GRIK4: variants seen among roughly 807,000 people sequenced by gnomAD.
GRIK4 encodes the protein glutamate receptor ionotropic, kainate 4.
In GRIK4, 40 loss-of-function variants were observed where a neutral mutation model predicts 104.9. The ratio of observed to expected loss-of-function variants is 0.38; its 90% CI spans 0.30 to 0.50. GRIK4 has a LOEUF of 0.50. Ranked by LOEUF, GRIK4 falls within the 20% of genes least tolerant of loss-of-function variation. GRIK4 has a pLI of 0.93. For synonymous variants in GRIK4, 485 were observed against 524.9 expected, an observed-to-expected ratio of 0.92 and a Z score of 1.04; for missense variants, 1,047 against 1,308.1, an observed-to-expected ratio of 0.80 and a Z score of 3.08.
At chr11:120,534,965 C>G (rs944777782) in intron 1 of GRIK4, among the ~76,000 whole-genome samples, 1 of 152,160 alleles carries the variant, frequency 6.6e-6, no homozygotes, top group Non-Finnish European at 1.5e-5. Flanking sequence ...AGGATGATCC[C>G]GGGCAAACCT....
chr11:120,568,427 G>A (rs549233767), intron 1 of GRIK4, among the ~76,000 whole-genome samples: 10 of 150,160 alleles, frequency 6.7e-5, no homozygotes, highest in Non-Finnish European at 1.5e-4. Flanking sequence ...TTGCTCTGTT[G>A]CCCAGGCTGG....
intron 8 of GRIK4, among the ~76,000 whole-genome samples, chr11:120,859,787 C>A (rs188334020): frequency 3.9e-5 from 6 of 152,256 alleles, no homozygotes; most frequent in African/African-American, 1.4e-4. Context: ...TCAATACATT[C>A]TCTGGCATGT....
At chr11:120,815,576 C>A in intron 5 of GRIK4, 101 bp downstream of exon 5, 1 of 656,904 alleles carries the variant, frequency 1.5e-6, no homozygotes, top group Non-Finnish European at 2.6e-6. Flanking sequence ...CCTGTCAAGG[C>A]TGGGTTGGTA....
At chr11:120,567,494 C>T (rs886369721) in intron 1 of GRIK4, among the ~76,000 whole-genome samples, 3 of 152,072 alleles carry the variant, frequency 2.0e-5, no homozygotes, top group Non-Finnish European at 4.4e-5. Flanking sequence ...GGAATTAAGA[C>T]CCAGAGCTCT....
intron 11 of GRIK4, among the ~76,000 whole-genome samples, chr11:120,891,335 C>T (rs1046859349): frequency 1.3e-5 from 2 of 152,182 alleles, no homozygotes; most frequent in Non-Finnish European, 2.9e-5. Flanking sequence ...GTGCTATGCC[C>T]GTTCCCATCG....
At chr11:120,860,933 C>T (rs992738728) in intron 8 of GRIK4, among the ~76,000 whole-genome samples, 4 of 152,016 alleles carry the variant, frequency 2.6e-5, no homozygotes, top group African/African-American at 7.2e-5. Context: ...GCCCCAGCTT[C>T]GTTTCTCACC....
At chr11:120,834,263 GGTGTGTGTGTGTGTGTGT>G (rs141196181) in intron 7 of GRIK4, among the ~76,000 whole-genome samples, 3 of 145,992 alleles carry the variant, frequency 2.1e-5, no homozygotes, top group Non-Finnish European at 4.5e-5. Context: ...ACACTTTATA[GGTGTGTGTGTGTGTGTGT>G]GTGTGTGTGT....
chr11:120,636,574 G>T (rs878986478), intron 1 of GRIK4, among the ~76,000 whole-genome samples: 3 of 152,160 alleles, frequency 2.0e-5, no homozygotes, highest in Admixed American at 1.3e-4. Flanking sequence ...AGGCACGGTG[G>T]CTCACACCTG....
chr11:120,786,766 G>A lies in GRIK4; in HGVS notation c.83-15927G>A, dbSNP rs78249643. 1.9e-3 allele frequency among the ~76,000 whole-genome samples: 288 copies of A among 152,178 alleles called. 4 individuals carry two copies. The East Asian group carries it at 0.05, about 26-fold the overall frequency. On this transcript the variant is annotated intron_variant, in intron 3 of 20. Transcript: ENST00000527524. ...GAAGATGAGACCTTTCCTCTTTTCC[G>A]AGAAAATAGATGCCATCCAGCTCAG... is the stretch of plus-strand genomic sequence containing the variant.
intron 1 of GRIK4, among the ~76,000 whole-genome samples, chr11:120,528,025 G>A (rs907544427): frequency 6.6e-6 from 1 of 152,136 alleles, no homozygotes; most frequent in African/African-American, 2.4e-5. Flanking sequence ...GCCCAGTGAC[G>A]GGATTTGGGC....
chr11:120,725,236 T>C (rs1191021620), intron 3 of GRIK4, among the ~76,000 whole-genome samples: 1 of 152,206 alleles, frequency 6.6e-6, no homozygotes, highest in African/African-American at 2.4e-5. Context: ...TCCAGCAGCA[T>C]AGACAGGGCC....
intron 1 of GRIK4, among the ~76,000 whole-genome samples, chr11:120,564,911 C>T (rs1244658782): frequency 1.3e-5 from 2 of 152,134 alleles, no homozygotes; most frequent in African/African-American, 2.4e-5. Flanking sequence ...TACAGCTCCT[C>T]TCCCAGCTCC....
intron 3 of GRIK4, among the ~76,000 whole-genome samples, chr11:120,741,421 G>C (rs1159176847): frequency 2.0e-5 from 3 of 151,794 alleles, no homozygotes; most frequent in Non-Finnish European, 1.5e-5. Context: ...TGGGACTACA[G>C]GCACGCACCA....
Position 120,643,388 on chromosome 11 carries a change from G to T in GRIK4, c.-158-10297G>T, listed in dbSNP as rs1185078684. ...AGCTCAAGCACAGGCCCCAAGGTGG[G>T]AATGTGCAGGGTGTGCCTGAGGCAC... On this transcript the variant is annotated intron_variant, in intron 1 of 20. Coordinates refer to ENST00000527524, the MANE Select transcript of GRIK4 (RefSeq NM_014619.5). 2.6e-5 allele frequency among the ~76,000 whole-genome samples: 4 copies of T among 152,216 alleles called. No homozygotes were observed. In the East Asian group the frequency reaches 7.7e-4, roughly 29 times the overall value.
intron 13 of GRIK4, among the ~76,000 whole-genome samples, chr11:120,914,091 C>A (rs1043090121): frequency 7.9e-5 from 12 of 152,214 alleles, no homozygotes; most frequent in Admixed American, 6.5e-5. Flanking sequence ...TTATGCAAAT[C>A]TGAAAGAGAT....
intron 3 of GRIK4, among the ~76,000 whole-genome samples, chr11:120,729,698 C>T (rs548359991): frequency 6.6e-6 from 1 of 152,216 alleles, no homozygotes; most frequent in Admixed American, 6.5e-5. Context: ...ATATTTTCTT[C>T]TATTCTGTGG....
rs192900413 is a variant in GRIK4, at chr11:120,919,010, A to G, written c.1476+13517A>G. Among the ~76,000 whole-genome samples the G allele has an allele frequency of 2.5e-3, 380 of 152,338 alleles. 2 individuals carry two copies. Among genetic ancestry groups the G allele is most frequent in the African/African-American group, 8.3e-3 (347 of 41,572 alleles). ...TAACAGAGAAGGCCAAATCAGGGTC[A>G]CACAGCTAACAAGTGATTGATCTGG... On this transcript the variant is annotated intron_variant, in intron 13 of 20. Transcript: ENST00000527524.
intron 1 of GRIK4, among the ~76,000 whole-genome samples, chr11:120,623,013 A>C (rs1165315204): frequency 6.6e-6 from 1 of 152,146 alleles, no homozygotes; most frequent in Non-Finnish European, 1.5e-5. Context: ...AACCCACTAC[A>C]TTTATGGACT....
chr11:120,622,513 A>T (rs1385354420), intron 1 of GRIK4, among the ~76,000 whole-genome samples: 1 of 152,250 alleles, frequency 6.6e-6, no homozygotes, highest in Non-Finnish European at 1.5e-5. Flanking sequence ...TTGTCCACAG[A>T]TATATGCATA....
Sources: allele counts gnomAD v4.1 joint callset (sites outside exome capture counted in the v4.1 genomes callset), GRCh38; gene constraint gnomAD v4.1.1; transcripts MANE v1.5; gene names NCBI Gene and HGNC (gene_info 2026-07-23, HGNC 2026-07-21).